The following HMBOX1 variants were observed in gnomAD, a reference collection of about 807,000 sequenced individuals.
HMBOX1 encodes the protein homeobox containing 1.
Under a neutral mutation model 54.5 loss-of-function variants are expected in HMBOX1, and 14 were observed. The ratio of observed to expected loss-of-function variants is 0.26; its 90% CI spans 0.17 to 0.40. The LOEUF (loss-of-function observed/expected upper bound fraction) is 0.40, where lower values mean the gene tolerates loss of function less well. HMBOX1 is among the 10% of genes least tolerant of loss of function. The pLI, the probability that HMBOX1 is intolerant of heterozygous loss-of-function variation, is 1.00. For synonymous variants in HMBOX1, 160 were observed against 181.0 expected, an observed-to-expected ratio of 0.88 and a Z score of 0.93; for missense variants, 332 against 514.4, an observed-to-expected ratio of 0.65 and a Z score of 3.43.
At chr8:28,924,114 T>G (rs570379001) in intron 1 of HMBOX1, among the ~76,000 whole-genome samples, 39 of 128,162 alleles carry the variant, frequency 3.0e-4, no homozygotes, top group African/African-American at 4.6e-4. Context: ...TTTTTTTGGT[T>G]TTTTTTTTTT....
chr8:28,895,674 C>CAAAAAAAAAA (rs544463520), intron 1 of HMBOX1, among the ~76,000 whole-genome samples: 17 of 137,336 alleles, frequency 1.2e-4, no homozygotes, highest in African/African-American at 4.6e-4. Flanking sequence ...GACTCAGTCT[C>CAAAAAAAAAA]AAAAAAAAAA....
chr8:28,984,184 T>C (rs1047686169), intron 4 of HMBOX1, among the ~76,000 whole-genome samples: 1 of 152,202 alleles, frequency 6.6e-6, no homozygotes, highest in African/African-American at 2.4e-5. Context: ...TTTAAACAAA[T>C]TAGTCAAGTG....
chr8:29,011,499 G>C (rs1398134832), intron 5 of HMBOX1, among the ~76,000 whole-genome samples: 1 of 152,202 alleles, frequency 6.6e-6, no homozygotes, highest in African/African-American at 2.4e-5. Context: ...GATGGGGATT[G>C]CAAAATGGGA....
intron 5 of HMBOX1, among the ~76,000 whole-genome samples, chr8:29,013,706 A>G (rs1414960495): frequency 1.3e-5 from 2 of 152,248 alleles, no homozygotes; most frequent in African/African-American, 4.8e-5. Flanking sequence ...TTATGAAAAC[A>G]CTTATAAGAA....
At chr8:28,933,235 C>A (rs776946903) in intron 1 of HMBOX1, among the ~76,000 whole-genome samples, 1 of 152,162 alleles carries the variant, frequency 6.6e-6, no homozygotes, top group Admixed American at 6.5e-5. Flanking sequence ...AAAAACCATA[C>A]CTGTTTGCAA....
At chr8:28,913,333 G>C (rs1349772400) in intron 1 of HMBOX1, among the ~76,000 whole-genome samples, 2 of 152,084 alleles carry the variant, frequency 1.3e-5, no homozygotes, top group African/African-American at 2.4e-5. Context: ...TGCATTTGAT[G>C]TTCCAGCTAA....
intron 2 of HMBOX1, among the ~76,000 whole-genome samples, chr8:28,967,270 T>G (rs1826591932): frequency 6.6e-6 from 1 of 152,222 alleles, no homozygotes; most frequent in Non-Finnish European, 1.5e-5. Context: ...AATGAGGTGT[T>G]CTAAGCAGAC....
intron 1 of HMBOX1, among the ~76,000 whole-genome samples, chr8:28,954,345 A>G (rs1336493717): frequency 2.0e-5 from 3 of 152,106 alleles, no homozygotes; most frequent in Admixed American, 6.5e-5. Flanking sequence ...TTATTATCCA[A>G]ATCTGGGCTT....
chr8:28,956,767 T>C (rs1458704933), intron 1 of HMBOX1, among the ~76,000 whole-genome samples: 2 of 152,224 alleles, frequency 1.3e-5, no homozygotes, highest in African/African-American at 4.8e-5. Context: ...TTTGGTTTTC[T>C]TCTTTTGCAC....
intron 1 of HMBOX1, among the ~76,000 whole-genome samples, chr8:28,947,575 A>G (rs1822694823): frequency 6.6e-6 from 1 of 152,184 alleles, no homozygotes; most frequent in Non-Finnish European, 1.5e-5. Context: ...GGATGCTGGG[A>G]CTGTCTAAAA....
intron 5 of HMBOX1, among the ~76,000 whole-genome samples, chr8:29,013,211 C>T (rs1834437436): frequency 6.6e-6 from 1 of 152,182 alleles, no homozygotes; most frequent in Admixed American, 6.5e-5. Context: ...TCTTGGCTCA[C>T]TGCAACTTCT....
intron 9 of HMBOX1, among the ~76,000 whole-genome samples, 167 bp from the exon 10 acceptor site, chr8:29,050,851 A>G (rs940349024): frequency 1.3e-5 from 2 of 152,152 alleles, no homozygotes; most frequent in Non-Finnish European, 2.9e-5. Context: ...CTTTGGACCT[A>G]TATCCATTCA....
Position 28,970,535 on chromosome 8 carries a change from T to C in HMBOX1, c.500+16T>C. 1 of 1,481,732 alleles carries C rather than the reference T, an allele frequency of 6.7e-7. No homozygotes were observed. Among genetic ancestry groups the C allele is most frequent in the Non-Finnish European group, 9.2e-7 (1 of 1,089,702 alleles). 91.8% of individuals were successfully genotyped at this position (1,481,732 alleles called of 1,614,324 possible). On this transcript the variant is annotated intron_variant, in intron 3 of 9. Coordinates refer to ENST00000287701, the MANE Select transcript of HMBOX1 (RefSeq NM_001135726.3). The surrounding 1 kb of genome is among the most constrained non-coding windows in gnomAD (Gnocchi z 4.3). ...AATTAATGAGGTTAGTGACTTTGCTTATTCAGAGTCCCTAAAAATGTCTGT... is the reference window on the plus strand; with the variant it reads ...AATTAATGAGGTTAGTGACTTTGCTCATTCAGAGTCCCTAAAAATGTCTGT...
chr8:28,943,301 G>A (rs912620205), intron 1 of HMBOX1, among the ~76,000 whole-genome samples: 5 of 152,212 alleles, frequency 3.3e-5, no homozygotes, highest in African/African-American at 1.2e-4. Flanking sequence ...CAAGGAAGCA[G>A]TGAGGACCAA....
intron 2 of HMBOX1, 55 bp downstream of exon 2, chr8:28,963,945 A>G (rs929015213): frequency 3.2e-5 from 43 of 1,330,032 alleles, no homozygotes; most frequent in Non-Finnish European, 4.6e-5. Context: ...AGTAAAGTTA[A>G]GATGTCACTA....
chr8:28,973,901 G>A (rs1196390155), intron 3 of HMBOX1, among the ~76,000 whole-genome samples: 2 of 131,612 alleles, frequency 1.5e-5, no homozygotes, highest in South Asian at 2.6e-4. Flanking sequence ...TGCAACCTTC[G>A]CCTCCCGGGT....
rs532729070 is a variant in HMBOX1, at chr8:29,036,256, A to G, written c.852-9105A>G. On this transcript the variant is annotated intron_variant, in intron 6 of 9. Transcript: ENST00000287701. ...CTTTATGTTAGGGCACATTTCATAC[A>G]TGGTGTCCATAATTCTTATTCTCAT... 3.3e-5 allele frequency among the ~76,000 whole-genome samples: 5 copies of G among 152,304 alleles called. No homozygotes were observed. The East Asian group carries it at 5.8e-4, about 18-fold the overall frequency.
chr8:28,965,690 G>T (rs1343007084), intron 2 of HMBOX1, among the ~76,000 whole-genome samples: 1 of 152,148 alleles, frequency 6.6e-6, no homozygotes, highest in South Asian at 2.1e-4. Flanking sequence ...AAGCTTTGAG[G>T]CCTGTTGCAG....
At chr8:28,969,962 C>A in intron 2 of HMBOX1, 81 bp from the exon 3 acceptor site, 1 of 852,702 alleles carries the variant, frequency 1.2e-6, no homozygotes, top group Non-Finnish European at 1.9e-6. Context: ...AGAAATATTG[C>A]ATCTTCTGAG....
Sources: allele counts gnomAD v4.1 joint callset (sites outside exome capture counted in the v4.1 genomes callset), GRCh38; gene constraint gnomAD v4.1.1; non-coding constraint Gnocchi (gnomAD v3.1); transcripts MANE v1.5; gene names NCBI Gene and HGNC (gene_info 2026-07-23, HGNC 2026-07-21).